The following CDH1 variants were observed in gnomAD, a reference collection of about 807,000 sequenced individuals.
The protein encoded by CDH1 is cadherin-1.
In CDH1, 35 loss-of-function variants were observed where a neutral mutation model predicts 84.5. That is an observed-to-expected ratio of 0.41 (90% CI 0.32 to 0.55). The LOEUF is 0.55. Ranked by LOEUF, CDH1 falls within the 20% of genes least tolerant of loss-of-function variation. The probability of loss-of-function intolerance (pLI) is 0.19; values close to 1 mark genes in which losing one functional copy is unlikely to be tolerated. For missense variants in CDH1, 994 were observed against 1,126.6 expected (o/e 0.88, Z 1.68); for synonymous variants, 417 against 439.0 (o/e 0.95, Z 0.63).
chr16:68,809,246 A>T (rs1213272267), intron 5 of CDH1, among the ~76,000 whole-genome samples: 2 of 101,014 alleles, frequency 2.0e-5, no homozygotes, highest in African/African-American at 5.1e-5. Context: ...TTTTTTTGAG[A>T]TAGGGTTTCA....
chr16:68,829,701 A>G lies in CDH1; in HGVS notation c.2343A>G (p.Glu781=), dbSNP rs587780119. 6.2e-7 allele frequency: 1 copy of G among 1,614,154 alleles called. No individual in the cohort carries two copies. The highest frequency in any genetic ancestry group is 8.5e-7 in the Non-Finnish European group (1 of 1,180,010). ...ACAGGGGCCTGGACGCTCGGCCTGAAGTGACTCGTAACGACGTTGCACCAA... is the reference window on the plus strand; with the variant it reads ...ACAGGGGCCTGGACGCTCGGCCTGAGGTGACTCGTAACGACGTTGCACCAA... ...QLHRGLDARP[E]VTRNDVAPTL... is the part of the protein sequence containing the mutation. Residue 781 remains glutamate, a synonymous_variant, in exon 15 of 16, where the codon GAA becomes GAG. Transcript: ENST00000261769.
intron 2 of CDH1, among the ~76,000 whole-genome samples, chr16:68,743,302 T>G (rs913640194): frequency 7.6e-5 from 1 of 13,144 alleles, no homozygotes; most frequent in Non-Finnish European, 1.7e-4. Context: ...TTTCTTTCTT[T>G]CTTTCTTTCT....
chr16:68,777,534 CTTT>C (rs71148949), intron 2 of CDH1, among the ~76,000 whole-genome samples: 24 of 76,982 alleles, frequency 3.1e-4, no homozygotes, highest in East Asian at 8.6e-4. Flanking sequence ...GTAATGTTTC[CTTT>C]TTTTTTTTTT....
chr16:68,818,460 G>A (rs372728880), intron 10 of CDH1, among the ~76,000 whole-genome samples: 1 of 151,540 alleles, frequency 6.6e-6, no homozygotes, highest in African/African-American at 2.4e-5. Context: ...AGTAAACTCA[G>A]GTGAAGAGTT....
intron 2 of CDH1, among the ~76,000 whole-genome samples, chr16:68,758,575 G>A (rs1339295367): frequency 6.7e-6 from 1 of 150,184 alleles, no homozygotes; most frequent in African/African-American, 2.5e-5. Flanking sequence ...CTCCAACCTG[G>A]TCAATGTCTC....
intron 2 of CDH1, among the ~76,000 whole-genome samples, chr16:68,771,948 C>T (rs372499885): frequency 6.6e-6 from 1 of 152,148 alleles, no homozygotes; most frequent in African/African-American, 2.4e-5. Context: ...TTGAATCATC[C>T]CATCCCCTTA....
chr16:68,810,326 G>T lies in CDH1; in HGVS notation c.817G>T (p.Glu273Ter). 1 of 1,614,080 alleles carries T rather than the reference G, an allele frequency of 6.2e-7. No individual in the cohort carries two copies. Among genetic ancestry groups the T allele is most frequent in the Non-Finnish European group, 8.5e-7 (1 of 1,179,924 alleles). Reference sequence around the variant, plus strand: ...GGAGGTCTTTAAGGGGTCTGTCATGGAAGGTGCTCTTCCAGGTATATCCAC... The same window carrying T: ...GGAGGTCTTTAAGGGGTCTGTCATGTAAGGTGCTCTTCCAGGTATATCCAC... ...TQEVFKGSVMEGALPGTSVME... is the reference protein window; with the variant it reads ...TQEVFKGSVM Residue 273 changes from glutamate to a stop codon, truncating the protein, a stop_gained, in exon 6 of 16, where the codon GAA becomes TAA. Coordinates refer to ENST00000261769, the MANE Select transcript of CDH1 (RefSeq NM_004360.5). LOFTEE classifies it high-confidence loss of function.
rs140123339 is a variant in CDH1 at position 68,801,872 on chromosome 16, C to T, written c.366C>T (p.His122=). ...TKVTLNTVGH[H]HRPPPHQASV... is the part of the protein sequence containing the mutation. ...TCACGCTGAATACAGTGGGGCACCA[C>T]CACCGCCCCCCGCCCCATCAGGTAT... The change falls in exon 3 of 16, where the codon CAC becomes CAT. Residue 122 remains histidine, a synonymous_variant. Coordinates refer to ENST00000261769, the MANE Select transcript of CDH1 (RefSeq NM_004360.5). The T allele has an allele frequency of 6.8e-6, 11 of 1,613,998 alleles. No homozygotes were observed. Among genetic ancestry groups the T allele is most frequent in the Non-Finnish European group, 9.3e-6 (11 of 1,179,856 alleles).
chr16:68,758,923 G>A (rs899662416), intron 2 of CDH1, among the ~76,000 whole-genome samples: 6 of 151,424 alleles, frequency 4.0e-5, no homozygotes, highest in Admixed American at 3.3e-4. Context: ...AGCCTTCTGA[G>A]TAGCTGGGAT....
At position 68,808,421 on chromosome 16, in the gene CDH1, T is replaced by C. The variant is rs112139520; in HGVS notation, c.388-3T>C. On this transcript the variant is annotated splice_polypyrimidine_tract_variant and splice_region_variant and intron_variant, in intron 3 of 15. Coordinates refer to ENST00000261769, the MANE Select transcript of CDH1 (RefSeq NM_004360.5). The stretch of plus-strand genomic sequence containing the variant: ...TCTTGTTCCTCATCTTCTTTCCTTT[T>C]AGGCCTCCGTTTCTGGAATCCAAGC... The C allele has an allele frequency of 6.2e-7, 1 of 1,614,064 alleles. No homozygotes were observed. The highest frequency in any genetic ancestry group is 1.7e-5 in the Admixed American group (1 of 60,002).
chr16:68,750,742 T>A (rs1962866690), intron 2 of CDH1, among the ~76,000 whole-genome samples: 1 of 150,976 alleles, frequency 6.6e-6, no homozygotes, highest in African/African-American at 2.4e-5. Flanking sequence ...AGGGTCTCTG[T>A]CGCTCAGGCT....
chr16:68,823,659 A>T (rs2152139748), intron 13 of CDH1, 33 bp downstream of exon 13: 1 of 1,441,922 alleles, frequency 6.9e-7, no homozygotes, highest in Non-Finnish European at 9.7e-7. Flanking sequence ...TCAGCCTTTG[A>T]CTTAAAAAAA....
intron 15 of CDH1, among the ~76,000 whole-genome samples, chr16:68,831,530 A>ATTTATT (rs61322197): frequency 0.27 from 40,704 of 150,010 alleles, 6,811 homozygotes; most frequent in African/African-American, 0.48. Context: ...TTATTTATTT[A>ATTTATT]TTTATTTTTA....
intron 3 of CDH1, among the ~76,000 whole-genome samples, chr16:68,802,994 G>C (rs1960556073): frequency 1.3e-5 from 2 of 152,192 alleles, no homozygotes; most frequent in Non-Finnish European, 2.9e-5. Flanking sequence ...ATGTCTGCCT[G>C]GGTTCTTGGC....
At chr16:68,771,326 TCACC>T (rs1318712592) in intron 2 of CDH1, among the ~76,000 whole-genome samples, 1 of 152,170 alleles carries the variant, frequency 6.6e-6, no homozygotes, top group Non-Finnish European at 1.5e-5. Context: ...TCTCACTTTG[TCACC>T]CAAGCTGGAG....
At position 68,819,345 on chromosome 16, in the gene CDH1, C is replaced by G. The variant is rs2152136862; in HGVS notation, c.1631C>G (p.Thr544Ser). 1 of 1,614,102 alleles carries G rather than the reference C, an allele frequency of 6.2e-7. No individual in the cohort carries two copies. The highest frequency in any genetic ancestry group is 8.5e-7 in the Non-Finnish European group (1 of 1,180,000). Residue 544 changes from threonine to serine, a missense_variant, in exon 11 of 16, where the codon ACT becomes AGT. By Grantham distance (58) the Thr-to-Ser change is moderately conservative. Coordinates refer to ENST00000261769, the MANE Select transcript of CDH1 (RefSeq NM_004360.5). ...EINPDTGAIS[T>S]RAELDREDFE... The stretch of plus-strand genomic sequence containing the variant: ...AATCCGGACACTGGTGCCATTTCCA[C>G]TCGGGCTGAGCTGGACAGGGAGGAT...
At chr16:68,795,438 T>C (rs1045829240) in intron 2 of CDH1, among the ~76,000 whole-genome samples, 3 of 152,194 alleles carry the variant, frequency 2.0e-5, no homozygotes, top group African/African-American at 7.2e-5. Flanking sequence ...CTTCGCAAAA[T>C]GGTGAGATTA....
intron 12 of CDH1, 28 bp downstream of exon 12, chr16:68,822,253 C>A (rs1338675136): frequency 9.2e-6 from 14 of 1,523,174 alleles, no homozygotes; most frequent in Non-Finnish European, 1.3e-5. Context: ...ATTTTGGCAA[C>A]TTTGCTCCAA....
At chr16:68,753,343 CT>C (rs544037956) in intron 2 of CDH1, among the ~76,000 whole-genome samples, 5 of 147,014 alleles carry the variant, frequency 3.4e-5, no homozygotes, top group East Asian at 2.0e-4. Flanking sequence ...TCTTGTAAAT[CT>C]TTTTTTTTTC....
Sources: gnomAD v4.1 joint callset for allele counts (sites outside exome capture counted in the v4.1 genomes callset) on GRCh38, gnomAD v4.1.1 for gene constraint, MANE v1.5 for transcripts, NCBI Gene and HGNC (gene_info 2026-07-23, HGNC 2026-07-21) for gene names.